ST6GALNAC3: variants seen among roughly 807,000 people sequenced by gnomAD.
ST6GALNAC3 encodes ST6 N-acetylgalactosaminide alpha-2,6-sialyltransferase 3, also known as alpha-N-acetylgalactosaminide alpha-2,6-sialyltransferase 3.
A neutral mutation model predicts 32.7 loss-of-function variants in ST6GALNAC3; 25 were observed. The ratio of observed to expected loss-of-function variants is 0.76; its 90% CI spans 0.56 to 1.07. ST6GALNAC3 has a LOEUF of 1.07. Among genes scored for constraint, ST6GALNAC3 ranks in the 50% least tolerant of loss-of-function variants. The probability of loss-of-function intolerance (pLI) is 0.00; values close to 1 mark genes in which losing one functional copy is unlikely to be tolerated. For missense variants in ST6GALNAC3, 355 were observed against 382.4 expected, an observed-to-expected ratio of 0.93 and a Z score of 0.60; for synonymous variants, 129 against 133.1, an observed-to-expected ratio of 0.97 and a Z score of 0.21.
At chr1:76,211,752 A>G (rs895259022) in intron 1 of ST6GALNAC3, among the ~76,000 whole-genome samples, 1 of 150,654 alleles carries the variant, frequency 6.6e-6, no homozygotes, top group Admixed American at 6.6e-5. Context: ...ACATGGACAC[A>G]GGAAGGGGAA....
rs566632992 is a variant in ST6GALNAC3, at chr1:76,231,956, A to G, written c.19-81849A>G. On this transcript the variant is annotated intron_variant, in intron 1 of 4. Transcript: ENST00000328299. ...ACTGAGGTGATTTGTTCTGTGTGAT[A>G]GCTGAAACACCTAACTGAATTTTGA... Among the ~76,000 whole-genome samples the G allele has an allele frequency of 3.9e-5, 6 of 152,328 alleles. No homozygotes were observed. In the South Asian group the frequency reaches 6.2e-4, roughly 16 times the overall value.
chr1:76,346,683 C>T (rs969427716), intron 2 of ST6GALNAC3, among the ~76,000 whole-genome samples: 5 of 152,096 alleles, frequency 3.3e-5, no homozygotes, highest in African/African-American at 4.8e-5. Context: ...CCAATTCCTA[C>T]GGTGCCACTA....
chr1:76,419,016 C>A (rs1654844793), intron 3 of ST6GALNAC3, among the ~76,000 whole-genome samples: 1 of 151,644 alleles, frequency 6.6e-6, no homozygotes, highest in Non-Finnish European at 1.5e-5. Context: ...CAGTACAAAC[C>A]TTTCATGTGT....
intron 2 of ST6GALNAC3, among the ~76,000 whole-genome samples, chr1:76,337,157 C>T (rs2100979067): frequency 6.6e-6 from 1 of 152,330 alleles, no homozygotes; most frequent in South Asian, 2.1e-4. Flanking sequence ...GATCCGCCCC[C>T]TCATGTTGCT....
intron 1 of ST6GALNAC3, among the ~76,000 whole-genome samples, chr1:76,183,921 T>C (rs981212939): frequency 3.8e-4 from 56 of 148,072 alleles, no homozygotes; most frequent in African/African-American, 1.3e-3. Flanking sequence ...CCTACTTTTA[T>C]TATTATATAT....
intron 3 of ST6GALNAC3, among the ~76,000 whole-genome samples, chr1:76,576,313 C>T (rs1027932911): frequency 5.3e-5 from 8 of 151,924 alleles, no homozygotes; most frequent in African/African-American, 7.2e-5. Flanking sequence ...TAATGGCACC[C>T]GTAGACACTG....
At chr1:76,136,753 G>C (rs1011272181) in intron 1 of ST6GALNAC3, among the ~76,000 whole-genome samples, 3 of 152,164 alleles carry the variant, frequency 2.0e-5, no homozygotes, top group African/African-American at 7.2e-5. Context: ...TAAAGTATTT[G>C]GGAAGTAATT....
chr1:76,422,696 G>C (rs558111985), intron 3 of ST6GALNAC3, among the ~76,000 whole-genome samples: 1 of 152,110 alleles, frequency 6.6e-6, no homozygotes, highest in Non-Finnish European at 1.5e-5. Flanking sequence ...CAATGTTGCT[G>C]CTGGTCCTGG....
chr1:76,488,854 C>T (rs904379405), intron 3 of ST6GALNAC3, among the ~76,000 whole-genome samples: 4 of 152,172 alleles, frequency 2.6e-5, no homozygotes, highest in South Asian at 2.1e-4. Context: ...TTCTCTTTCA[C>T]GCTGGCCATT....
At position 76,422,558 on chromosome 1, in the gene ST6GALNAC3, C is replaced by T. The variant is rs114037259; in HGVS notation, c.623+10141C>T. Among the ~76,000 whole-genome samples, 1,024 of 152,074 alleles carry T rather than the reference C, an allele frequency of 6.7e-3. 13 individuals carry two copies. The highest frequency in any genetic ancestry group is 0.024 in the African/African-American group (986 of 41,522). ...GATTAGTAGAACAGCGGTTCTCAAA[C>T]GTGAGCTTGCATCAGAATTACAAGG... On this transcript the variant is annotated intron_variant, in intron 3 of 4. Transcript: ENST00000328299.
At chr1:76,303,431 C>G (rs1274315536) in intron 1 of ST6GALNAC3, among the ~76,000 whole-genome samples, 1 of 151,998 alleles carries the variant, frequency 6.6e-6, no homozygotes, top group Non-Finnish European at 1.5e-5. Flanking sequence ...CGTGAAACGG[C>G]CTTAGGTTCC....
chr1:76,558,844 A>G (rs960294883), intron 3 of ST6GALNAC3, among the ~76,000 whole-genome samples: 2 of 152,202 alleles, frequency 1.3e-5, no homozygotes, highest in Non-Finnish European at 2.9e-5. Flanking sequence ...TTACACAGGT[A>G]TAGCTCTTGG....
At chr1:76,593,539 CA>C (rs1209685635) in intron 3 of ST6GALNAC3, among the ~76,000 whole-genome samples, 3 of 152,074 alleles carry the variant, frequency 2.0e-5, no homozygotes, top group African/African-American at 7.2e-5. Context: ...TTGAATGTGG[CA>C]GAATAAAAAG....
At chr1:76,155,587 C>T (rs1360731699) in intron 1 of ST6GALNAC3, among the ~76,000 whole-genome samples, 1 of 151,826 alleles carries the variant, frequency 6.6e-6, no homozygotes, top group African/African-American at 2.4e-5. Flanking sequence ...CCTGCCTCAG[C>T]CTCCCGAATA....
Position 76,448,689 on chromosome 1 carries a change from G to T in ST6GALNAC3, c.623+36272G>T, listed in dbSNP as rs113157273. Among the ~76,000 whole-genome samples the T allele has an allele frequency of 7.6e-3, 1,158 of 152,258 alleles. 14 individuals are homozygous for T. Among genetic ancestry groups the T allele is most frequent in the African/African-American group, 0.026 (1,084 of 41,540 alleles). On this transcript the variant is annotated intron_variant, in intron 3 of 4. Transcript: ENST00000328299. ...CAAGACCCAATGTTTTTAAAAAGGG[G>T]AGTTGCCCTGCAGAAGCTCTCTTTT...
chr1:76,185,529 C>G (rs1046349886), intron 1 of ST6GALNAC3, among the ~76,000 whole-genome samples: 2 of 152,202 alleles, frequency 1.3e-5, no homozygotes, highest in African/African-American at 4.8e-5. Context: ...TTTGCTTTGT[C>G]TGTGGTTTCA....
chr1:76,626,472 T>C (rs916812576), intron 3 of ST6GALNAC3, among the ~76,000 whole-genome samples: 1 of 151,948 alleles, frequency 6.6e-6, no homozygotes, highest in Non-Finnish European at 1.5e-5. Flanking sequence ...AACATTCCTT[T>C]GAACCATTTG....
intron 2 of ST6GALNAC3, among the ~76,000 whole-genome samples, chr1:76,336,672 T>C (rs1647501961): frequency 6.6e-6 from 1 of 152,176 alleles, no homozygotes; most frequent in Non-Finnish European, 1.5e-5. Flanking sequence ...TCAAGACATC[T>C]CAGGTTTTTT....
At chr1:76,488,658 C>A (rs1660294790) in intron 3 of ST6GALNAC3, among the ~76,000 whole-genome samples, 1 of 152,156 alleles carries the variant, frequency 6.6e-6, no homozygotes, top group African/African-American at 2.4e-5. Flanking sequence ...CATACTGGCC[C>A]TTTGACCCCC....
Sources: gnomAD v4.1 joint callset for allele counts (sites outside exome capture counted in the v4.1 genomes callset) on GRCh38, gnomAD v4.1.1 for gene constraint, MANE v1.5 for transcripts, NCBI Gene and HGNC (gene_info 2026-07-23, HGNC 2026-07-21) for gene names.